Variants in ABCA1 observed in about 807,000 individuals in gnomAD.
ABCA1 encodes the protein phospholipid-transporting ATPase ABCA1.
In ABCA1, 133 loss-of-function variants were observed where a neutral mutation model predicts 262.5. The ratio of observed to expected loss-of-function variants is 0.51; its 90% CI spans 0.44 to 0.59. The LOEUF is 0.59. ABCA1 is among the 20% of genes least tolerant of loss of function. ABCA1 has a pLI of 0.00. For synonymous variants in ABCA1, 1,022 were observed against 1,043.5 expected (o/e 0.98, Z 0.40); for missense variants, 2,452 against 2,777.5 (o/e 0.88, Z 2.63).
At chr9:104,862,107 T>C (rs1442530671) in intron 5 of ABCA1, among the ~76,000 whole-genome samples, 3 of 151,728 alleles carry the variant, frequency 2.0e-5, no homozygotes, top group Non-Finnish European at 4.4e-5. Context: ...CCTTTTCTTT[T>C]TTTTTTTTTA....
chr9:104,907,101 C>T (rs1841201164), intron 1 of ABCA1, among the ~76,000 whole-genome samples: 1 of 152,224 alleles, frequency 6.6e-6, no homozygotes, highest in South Asian at 2.1e-4. Flanking sequence ...CCTTCTGTGA[C>T]TCCAGCCTAC....
chr9:104,853,326 G>C (rs1265825136), intron 7 of ABCA1, among the ~76,000 whole-genome samples: 1 of 152,228 alleles, frequency 6.6e-6, no homozygotes, highest in Admixed American at 6.5e-5. Context: ...GTCAAGGACA[G>C]AGCCCAAACC....
Position 104,856,676 on chromosome 9 carries a change from G to T in ABCA1, c.720+1846C>A, listed in dbSNP as rs1305515332. On this transcript the variant is annotated intron_variant, in intron 7 of 49. Coordinates refer to ENST00000374736, the MANE Select transcript of ABCA1 (RefSeq NM_005502.4). ...TTACCGGGTTGTGTACACAATAGGT[G>T]TTTAATGAGTAAACAGAAGTGAAAT... is the stretch of plus-strand genomic sequence containing the variant. 3.9e-5 allele frequency among the ~76,000 whole-genome samples: 6 copies of T among 152,334 alleles called. No homozygotes were observed. The East Asian group carries it at 1.2e-3, about 29-fold the overall frequency.
At chr9:104,802,324 T>C (rs1352203245) in intron 33 of ABCA1, among the ~76,000 whole-genome samples, 165 bp from the exon 34 acceptor site, 1 of 152,220 alleles carries the variant, frequency 6.6e-6, no homozygotes. Flanking sequence ...CTAATAAATG[T>C]TGGCAATCTC....
rs141151519 is a variant in ABCA1, at chr9:104,889,163, T to C, written c.99A>G (p.Leu33=). Residue 33 remains leucine (L), a synonymous_variant, in exon 3 of 50, where the codon CTA becomes CTG. Transcript: ENST00000374736. ...CAGAGATCAGGATCAGGAAGATAAA[T>C]AGAGGCCAGGCCACTTCCAGCAGCA... The part of the protein sequence containing the change: ...CQLLLEVAWP[L]FIFLILISVR... 1.1e-3 allele frequency: 1,703 copies of C among 1,614,094 alleles called. 7 individuals are homozygous for C. The highest frequency in any genetic ancestry group is 2.8e-3 in the Middle Eastern group (17 of 6,062).
rs541884578 is a variant in ABCA1 at position 104,833,194 on chromosome 9, C to T, written c.1312-423G>A. Reference sequence around the variant, plus strand: ...TTTTTTTGCCTTTTGTTGTTGTTGTCGTTTGGATTCAGTGTCTCGCTCTGC... The same window carrying T: ...TTTTTTTGCCTTTTGTTGTTGTTGTTGTTTGGATTCAGTGTCTCGCTCTGC... On this transcript the variant is annotated intron_variant, in intron 11 of 49. Coordinates refer to ENST00000374736, the MANE Select transcript of ABCA1 (RefSeq NM_005502.4). 2.4e-4 allele frequency among the ~76,000 whole-genome samples: 37 copies of T among 152,156 alleles called. 1 individual carries two copies. The South Asian group carries it at 7.1e-3, about 29-fold the overall frequency.
At chr9:104,869,817 G>C (rs374811808) in intron 5 of ABCA1, among the ~76,000 whole-genome samples, 1 of 152,130 alleles carries the variant, frequency 6.6e-6, no homozygotes, top group South Asian at 2.1e-4. Context: ...AAAAAACTCA[G>C]TTCCAGAATT....
chr9:104,816,090 C>T, intron 25 of ABCA1, 53 bp downstream of exon 25: 1 of 1,593,842 alleles, frequency 6.3e-7, no homozygotes, highest in Non-Finnish European at 8.6e-7. Context: ...ACTGGTCTGG[C>T]CTTAGGACAT....
chr9:104,814,477 T>G lies in ABCA1; in HGVS notation c.3739-2A>C. The G allele has an allele frequency of 6.2e-7, 1 of 1,614,074 alleles. No homozygotes were observed. Among genetic ancestry groups the G allele is most frequent in the Non-Finnish European group, 8.5e-7 (1 of 1,179,962 alleles). On this transcript the variant is annotated splice_acceptor_variant, in intron 25 of 49. Coordinates refer to ENST00000374736, the MANE Select transcript of ABCA1 (RefSeq NM_005502.4). LOFTEE classifies it high-confidence loss of function. ...CTCTTCGGCCACCTTGAGGAATATCTGGAAAATGAGAGAGATGAGAACATT... is the reference window on the plus strand; with the variant it reads ...CTCTTCGGCCACCTTGAGGAATATCGGGAAAATGAGAGAGATGAGAACATT...
At chr9:104,882,029 A>AAAAAAAAAAAAAAAAAAAAAAAAC in intron 5 of ABCA1, among the ~76,000 whole-genome samples, 1 of 19,266 alleles carries the variant, frequency 5.2e-5, no homozygotes, top group Non-Finnish European at 9.4e-5. Flanking sequence ...CTGTAGCCTT[A>AAAAAAAAAAAAAAAAAAAAAAAAC]AAAAAAAAAA....
chr9:104,899,351 A>G (rs1840474569), intron 2 of ABCA1, among the ~76,000 whole-genome samples: 1 of 152,178 alleles, frequency 6.6e-6, no homozygotes, highest in Non-Finnish European at 1.5e-5. Flanking sequence ...ATAAATGAGG[A>G]GTTTTAATTT....
intron 27 of ABCA1, 23 bp from the exon 28 acceptor site, chr9:104,812,745 G>T (rs1288887328): frequency 6.2e-7 from 1 of 1,614,022 alleles, no homozygotes; most frequent in East Asian, 2.2e-5. Flanking sequence ...AACACTGAAG[G>T]TCACCTATTA....
chr9:104,814,590 A>G, intron 25 of ABCA1, 115 bp from the exon 26 acceptor site: 1 of 1,057,014 alleles, frequency 9.5e-7, no homozygotes, highest in Non-Finnish European at 1.5e-6. Context: ...CAGAGAAAGT[A>G]GAAGCCACAT....
chr9:104,838,218 G>A lies in ABCA1; in HGVS notation c.1055-651C>T, dbSNP rs371730465. On this transcript the variant is annotated intron_variant, in intron 9 of 49. Transcript: ENST00000374736. ...CGCATGAGGCTGAGGCAGGAGAATC[G>A]CTTGAACCCAGGAGGCAGAGGTTGC... Among the ~76,000 whole-genome samples, 223 of 151,308 alleles carry A rather than the reference G, an allele frequency of 1.5e-3. 1 individual carries two copies. The highest frequency in any genetic ancestry group is 5.1e-3 in the African/African-American group (212 of 41,192).
intron 30 of ABCA1, among the ~76,000 whole-genome samples, chr9:104,807,347 C>A (rs1390425973): frequency 3.3e-5 from 5 of 152,212 alleles, no homozygotes; most frequent in African/African-American, 4.8e-5. Context: ...ATCTCCAGCT[C>A]TGAATTACTG....
rs149710524 is a variant in ABCA1, at chr9:104,920,614, C to T, written c.-93+7321G>A. ...GCAATCTCTGCCTCCTGGGTTCAAG[C>T]GATTCTTCTGCCTAAGCCTCCTGAG... On this transcript the variant is annotated intron_variant, in intron 1 of 49. Transcript: ENST00000374736. 1.7e-3 allele frequency among the ~76,000 whole-genome samples: 252 copies of T among 152,254 alleles called. 2 individuals are homozygous for T. The Middle Eastern group carries it at 0.017, about 10-fold the overall frequency.
chr9:104,861,505 A>G, intron 6 of ABCA1, 174 bp downstream of exon 6: 1 of 864,812 alleles, frequency 1.2e-6, no homozygotes, highest in Non-Finnish European at 1.9e-6. Context: ...CCACTCCTGG[A>G]TGGTTTGGCA....
chr9:104,882,057 A>AAAAAAC (rs1838725778), intron 5 of ABCA1, among the ~76,000 whole-genome samples: 1 of 137,144 alleles, frequency 7.3e-6, no homozygotes, highest in East Asian at 2.2e-4. Context: ...AAAAAAAAAA[A>AAAAAAC]CTCAAATCTG....
chr9:104,925,832 A>G (rs1826278251), intron 1 of ABCA1, among the ~76,000 whole-genome samples: 1 of 152,160 alleles, frequency 6.6e-6, no homozygotes, highest in Non-Finnish European at 1.5e-5. Flanking sequence ...TTTAGGAGAA[A>G]GTTTCTCAAG....
Sources: allele counts gnomAD v4.1 joint callset (sites outside exome capture counted in the v4.1 genomes callset), GRCh38; gene constraint gnomAD v4.1.1; transcripts MANE v1.5; gene names NCBI Gene and HGNC (gene_info 2026-07-23, HGNC 2026-07-21).